Variants in CDK6 observed in about 807,000 individuals in gnomAD.
CDK6 encodes the protein cyclin-dependent kinase 6.
A neutral mutation model predicts 37.1 loss-of-function variants in CDK6; 6 were observed. The observed-to-expected ratio is 0.16, with a 90% CI of 0.09 to 0.32. CDK6 has a LOEUF of 0.32. Ranked by LOEUF, CDK6 falls within the 10% of genes least tolerant of loss-of-function variation. The pLI is 1.00. For synonymous variants in CDK6, 160 were observed against 161.3 expected, an observed-to-expected ratio of 0.99 and a Z score of 0.06; for missense variants, 224 against 418.9, an observed-to-expected ratio of 0.53 and a Z score of 4.06.
At chr7:92,730,421 G>GT (rs1234698122) in intron 3 of CDK6, among the ~76,000 whole-genome samples, 2 of 152,156 alleles carry the variant, frequency 1.3e-5, no homozygotes, top group Non-Finnish European at 2.9e-5. Flanking sequence ...TATAACAAAG[G>GT]TTTTTTAACA....
chr7:92,760,475 C>T (rs1469358736), intron 3 of CDK6, among the ~76,000 whole-genome samples: 1 of 152,122 alleles, frequency 6.6e-6, no homozygotes, highest in Non-Finnish European at 1.5e-5. Context: ...TATAAAGATT[C>T]AGATGTGAGA....
intron 2 of CDK6, among the ~76,000 whole-genome samples, chr7:92,823,253 G>A (rs1283305834): frequency 6.6e-6 from 1 of 151,558 alleles, no homozygotes; most frequent in East Asian, 1.9e-4. Flanking sequence ...CTTTGAGTCA[G>A]TCAATACTTG....
At chr7:92,726,998 A>C (rs1359005123) in intron 3 of CDK6, among the ~76,000 whole-genome samples, 1 of 152,212 alleles carries the variant, frequency 6.6e-6, no homozygotes, top group Admixed American at 6.5e-5. Context: ...GGAGGAGCGG[A>C]TCATTCAGGA....
rs1795494510 is a variant in CDK6 at position 92,608,864 on chromosome 7, C to G, written c.*6276G>C. The G allele has an allele frequency of 4.3e-6, 1 of 232,296 alleles. No individual in the cohort carries two copies. The highest frequency in any genetic ancestry group is 8.5e-6 in the Non-Finnish European group (1 of 117,492). 14.4% of individuals were successfully genotyped at this position (232,296 alleles called of 1,614,324 possible). On this transcript the variant is annotated 3_prime_UTR_variant, in exon 8 of 8. Transcript: ENST00000424848. ...GCCCGGCCTCGCCCACTGCCTCTCT[C>G]CTGCCAAAGGGGCGGGGCAACGAGG...
chr7:92,827,295 T>C (rs1201593988), intron 2 of CDK6, among the ~76,000 whole-genome samples: 1 of 152,224 alleles, frequency 6.6e-6, no homozygotes, highest in Non-Finnish European at 1.5e-5. Context: ...AGAATAGGAA[T>C]AATTTAAGTG....
chr7:92,833,424 T>G lies in CDK6; in HGVS notation c.-101A>C. ...CGCCTACTCCGGGGCTCCCCGGAGA[T>G]CGGTCTAGCTTTACTTGCTCCCCGC... On this transcript the variant is annotated 5_prime_UTR_variant, in exon 2 of 8. Coordinates refer to ENST00000424848, the MANE Select transcript of CDK6 (RefSeq NM_001145306.2). The surrounding 1 kb of genome is among the most constrained non-coding windows in gnomAD (Gnocchi z 6.1). 1 of 807,438 alleles carries G rather than the reference T, an allele frequency of 1.2e-6. No homozygotes were observed. Among genetic ancestry groups the G allele is most frequent in the East Asian group, 2.7e-5 (1 of 36,484 alleles). The allele number at this position is 807,438 out of a possible 1,614,324, so 50.0% of individuals were successfully genotyped here. A position where few individuals can be genotyped will look rare whatever the true frequency, so the allele number is the denominator to read the frequency against.
chr7:92,741,904 TG>T (rs1001772673), intron 3 of CDK6, among the ~76,000 whole-genome samples: 8 of 152,200 alleles, frequency 5.3e-5, no homozygotes, highest in Non-Finnish European at 1.2e-4. Flanking sequence ...CAGGGTTTTT[TG>T]TTTTGTTTTG....
intron 3 of CDK6, among the ~76,000 whole-genome samples, chr7:92,727,071 T>C (rs940672094): frequency 6.6e-6 from 1 of 152,340 alleles, no homozygotes; most frequent in Middle Eastern, 3.4e-3. Context: ...CAAGATTTAA[T>C]ACTCAGGGAC....
intron 2 of CDK6, among the ~76,000 whole-genome samples, chr7:92,785,246 C>A (rs1053268491): frequency 2.3e-4 from 35 of 152,048 alleles, no homozygotes. Context: ...CATGGATAAA[C>A]CTTAAAGGGA....
intron 2 of CDK6, among the ~76,000 whole-genome samples, chr7:92,821,760 ATTAG>A (rs1801179008): frequency 6.6e-6 from 1 of 151,678 alleles, no homozygotes; most frequent in Non-Finnish European, 1.5e-5. Flanking sequence ...GTAATAATAT[ATTAG>A]TATTATCAGT....
At chr7:92,630,424 T>C (rs1239289828) in intron 5 of CDK6, among the ~76,000 whole-genome samples, 4 of 152,130 alleles carry the variant, frequency 2.6e-5, no homozygotes, top group African/African-American at 7.2e-5. Context: ...GGGTTCCTAA[T>C]GCATTATTGC....
chr7:92,767,726 C>T (rs1231135726), intron 3 of CDK6, among the ~76,000 whole-genome samples: 2 of 151,976 alleles, frequency 1.3e-5, no homozygotes, highest in Admixed American at 6.6e-5. Context: ...AAAAAAAACC[C>T]CAAATTTCAA....
chr7:92,683,411 A>G (rs1298324627), intron 4 of CDK6, among the ~76,000 whole-genome samples: 1 of 152,238 alleles, frequency 6.6e-6, no homozygotes, highest in African/African-American at 2.4e-5. Flanking sequence ...TGGTTAGTGC[A>G]AGTGATGAGG....
chr7:92,642,088 C>CT (rs1796321754), intron 5 of CDK6, among the ~76,000 whole-genome samples: 2 of 152,212 alleles, frequency 1.3e-5, no homozygotes, highest in African/African-American at 4.8e-5. Flanking sequence ...GAGTAAGACT[C>CT]TGAGAGCCTT....
At chr7:92,707,292 G>C (rs1419058507) in intron 4 of CDK6, among the ~76,000 whole-genome samples, 7 of 152,092 alleles carry the variant, frequency 4.6e-5, no homozygotes, top group East Asian at 1.9e-4. Flanking sequence ...ATACAGAGAG[G>C]CTAAAGAACT....
chr7:92,782,081 C>G (rs917748079), intron 2 of CDK6, among the ~76,000 whole-genome samples: 1 of 152,178 alleles, frequency 6.6e-6, no homozygotes, highest in Non-Finnish European at 1.5e-5. Context: ...CACCCATAAA[C>G]ATTTACCAGC....
At chr7:92,766,696 C>T (rs1799590013) in intron 3 of CDK6, among the ~76,000 whole-genome samples, 1 of 152,170 alleles carries the variant, frequency 6.6e-6, no homozygotes, top group African/African-American at 2.4e-5. Flanking sequence ...GAGAAATAGC[C>T]TTCCTTCTAC....
At chr7:92,634,452 G>A (rs527329832) in intron 5 of CDK6, among the ~76,000 whole-genome samples, 11 of 151,114 alleles carry the variant, frequency 7.3e-5, no homozygotes, top group Non-Finnish European at 1.5e-4. Flanking sequence ...TTAGTGCTTG[G>A]TAGCAGGAGT....
rs546846357 is a variant in CDK6, at chr7:92,664,140, CA to C, written c.647+7285del. On this transcript the variant is annotated intron_variant, in intron 5 of 7. Coordinates refer to ENST00000424848, the MANE Select transcript of CDK6 (RefSeq NM_001145306.2). Reference sequence around the variant, plus strand: ...TGGGTGACAGAGCGAGACTCTGCCTCAAAAAAATAAAATAAAAAAAAAGAGA... The same window carrying C: ...TGGGTGACAGAGCGAGACTCTGCCTCAAAAAATAAAATAAAAAAAAAGAGA... Among the ~76,000 whole-genome samples the C allele has an allele frequency of 3.1e-3, 435 of 142,558 alleles. 1 individual carries two copies. Among genetic ancestry groups the C allele is most frequent in the African/African-American group, 0.011 (413 of 38,246 alleles). 93.5% of individuals were successfully genotyped at this position (142,558 alleles called of 152,430 possible).
Sources: gnomAD v4.1 joint callset for allele counts (sites outside exome capture counted in the v4.1 genomes callset) on GRCh38, gnomAD v4.1.1 for gene constraint, Gnocchi (gnomAD v3.1) non-coding constraint, MANE v1.5 for transcripts, NCBI Gene and HGNC (gene_info 2026-07-23, HGNC 2026-07-21) for gene names.